Variants in ADARB2 observed in about 807,000 individuals in gnomAD.
The protein encoded by ADARB2 is inactive double-stranded RNA-specific editase B2.
Under a neutral mutation model 62.2 loss-of-function variants are expected in ADARB2, and 25 were observed. The ratio of observed to expected loss-of-function variants is 0.40; its 90% CI spans 0.29 to 0.56. The LOEUF (loss-of-function observed/expected upper bound fraction) is 0.56. Among genes scored for constraint, ADARB2 ranks in the 20% least tolerant of loss-of-function variants. ADARB2 has a pLI of 0.43. For synonymous variants in ADARB2, 572 were observed against 500.8 expected, an observed-to-expected ratio of 1.14 and a Z score of -1.90; for missense variants, 1,071 against 1,077.4, an observed-to-expected ratio of 0.99 and a Z score of 0.08.
rs896055558 is a variant in ADARB2, at chr10:1,187,562, G to A, written c.1865-2523C>T. Among the ~76,000 whole-genome samples the A allele has an allele frequency of 5.9e-5, 9 of 152,362 alleles. No homozygotes were observed. The East Asian group carries it at 1.2e-3, about 20-fold the overall frequency. ...TTCCTTGTCAGGATGCCCTGGCTCC[G>A]GCCTGTGCCCCTCTCCTTTCTCTTT... On this transcript the variant is annotated intron_variant, in intron 8 of 9. Transcript: ENST00000381312.
At position 1,726,488 on chromosome 10, in the gene ADARB2, C is replaced by A. The variant is rs75571775; in HGVS notation, c.100+10563G>T. On this transcript the variant is annotated intron_variant, in intron 1 of 9. Transcript: ENST00000381312. ...TGAGTGGACGTGGTGCTGCCAGCAC[C>A]TTCTGTGACTCTATGGATGACTCTG... 1.8e-3 allele frequency among the ~76,000 whole-genome samples: 278 copies of A among 152,154 alleles called. 1 individual carries two copies. Among genetic ancestry groups the A allele is most frequent in the African/African-American group, 6.5e-3 (269 of 41,514 alleles).
chr10:1,619,289 TAAAAA>T (rs59098282), intron 1 of ADARB2, among the ~76,000 whole-genome samples: 46,528 of 115,756 alleles, frequency 0.4, 7,504 homozygotes, highest in South Asian at 0.51. Flanking sequence ...ACATTGAAAG[TAAAAA>T]AAAAAAAAAA....
At position 1,275,516 on chromosome 10, in the gene ADARB2, T is replaced by C. The variant is rs552506027; in HGVS notation, c.1078-4447A>G. ...AGTCTTTCTTTCTTTCCTTCTTTTCTTTTTTTTTAATTTAAGTTTTAGGGT... is the reference window on the plus strand; with the variant it reads ...AGTCTTTCTTTCTTTCCTTCTTTTCCTTTTTTTTAATTTAAGTTTTAGGGT... On this transcript the variant is annotated intron_variant, in intron 3 of 9. Coordinates refer to ENST00000381312, the MANE Select transcript of ADARB2 (RefSeq NM_018702.4). Among the ~76,000 whole-genome samples the C allele has an allele frequency of 7.4e-5, 6 of 81,176 alleles. No individual in the cohort carries two copies. The East Asian group carries it at 3.4e-3, about 46-fold the overall frequency. The allele number at this position is 81,176 out of a possible 152,430, so 53.3% of individuals were successfully genotyped here.
intron 3 of ADARB2, among the ~76,000 whole-genome samples, chr10:1,272,095 T>C (rs1564242793): frequency 6.6e-6 from 1 of 152,254 alleles, no homozygotes; most frequent in South Asian, 2.1e-4. Context: ...ATTACTCTTA[T>C]TATTTTCATC....
intron 1 of ADARB2, among the ~76,000 whole-genome samples, chr10:1,588,824 G>A (rs917402627): frequency 6.6e-6 from 1 of 152,166 alleles, no homozygotes; most frequent in African/African-American, 2.4e-5. Flanking sequence ...CTTCGCAGAT[G>A]ACAAGATCGA....
At chr10:1,218,922 C>T (rs887826673) in intron 6 of ADARB2, among the ~76,000 whole-genome samples, 13 of 151,562 alleles carry the variant, frequency 8.6e-5, no homozygotes, top group African/African-American at 1.5e-4. Flanking sequence ...TGGTGGCGGG[C>T]GCCTGTAGTC....
chr10:1,634,572 G>A lies in ADARB2; in HGVS notation c.100+102479C>T, dbSNP rs1326884848. On this transcript the variant is annotated intron_variant, in intron 1 of 9. Coordinates refer to ENST00000381312, the MANE Select transcript of ADARB2 (RefSeq NM_018702.4). Reference sequence around the variant, plus strand: ...GGTTAGGGTCACTCCAGGTGTACAAGTGTTTGGAAATGAACCTGCCAAGTA... The same window carrying A: ...GGTTAGGGTCACTCCAGGTGTACAAATGTTTGGAAATGAACCTGCCAAGTA... 6.6e-5 allele frequency among the ~76,000 whole-genome samples: 10 copies of A among 152,146 alleles called. No individual in the cohort carries two copies. In the East Asian group the frequency reaches 1.9e-3, roughly 29 times the overall value.
chr10:1,233,588 C>T (rs538861334), intron 6 of ADARB2, 106 bp downstream of exon 6: 5 of 1,249,864 alleles, frequency 4.0e-6, no homozygotes, highest in Admixed American at 2.8e-5. Flanking sequence ...CCCAAGGGCC[C>T]CACACACCGC....
intron 3 of ADARB2, among the ~76,000 whole-genome samples, chr10:1,326,768 A>C (rs1831851837): frequency 9.2e-6 from 1 of 109,010 alleles, no homozygotes; most frequent in Non-Finnish European, 1.9e-5. Context: ...CGCCTCTGGT[A>C]GCACAGCCCC....
At chr10:1,582,581 T>C (rs938695) in intron 1 of ADARB2, among the ~76,000 whole-genome samples, 91,590 of 152,080 alleles carry the variant, frequency 0.6, 27,924 homozygotes, top group African/African-American at 0.68. Context: ...TCCATTGCAA[T>C]TGCCACCATG....
intron 1 of ADARB2, among the ~76,000 whole-genome samples, chr10:1,609,785 G>C (rs1833544525): frequency 6.6e-6 from 1 of 152,220 alleles, no homozygotes; most frequent in African/African-American, 2.4e-5. Context: ...CAAAGAGTGT[G>C]TCGCCCTGTG....
At chr10:1,465,688 T>G (rs1831245921) in intron 1 of ADARB2, among the ~76,000 whole-genome samples, 1 of 152,186 alleles carries the variant, frequency 6.6e-6, no homozygotes. Context: ...AGGTTTAAGA[T>G]GCTAATGAGG....
chr10:1,348,953 G>A (rs931459022), intron 3 of ADARB2, among the ~76,000 whole-genome samples: 1 of 152,168 alleles, frequency 6.6e-6, no homozygotes. Flanking sequence ...GTGTGACAAT[G>A]GGGGAAGGAG....
intron 8 of ADARB2, among the ~76,000 whole-genome samples, chr10:1,193,573 G>A (rs1005217239): frequency 1.1e-4 from 16 of 152,142 alleles, no homozygotes; most frequent in African/African-American, 3.6e-4. Context: ...CTCTTCAGTC[G>A]GCATTACTCA....
At chr10:1,227,176 G>A (rs1022027695) in intron 6 of ADARB2, among the ~76,000 whole-genome samples, 7 of 152,326 alleles carry the variant, frequency 4.6e-5, no homozygotes, top group East Asian at 3.9e-4. Context: ...AGCAATCAGC[G>A]AGACTCCGTG....
chr10:1,363,171 C>T lies in ADARB2; in HGVS notation c.934G>A (p.Val312Met), dbSNP rs780983352. The change falls in exon 3 of 10, where the codon GTG (valine) becomes ATG (methionine). Residue 312 changes from valine (V) to methionine (M), a missense_variant. Val to Met is a conservative substitution (Grantham distance 21). Transcript: ENST00000381312. Reference protein sequence around the residue: ...RARSFVMAVSVDGRTFEGSGR... With the variant: ...RARSFVMAVSMDGRTFEGSGR... ...GAGCCCTCGAACGTCCTGCCGTCCA[C>T]GCTCACGGCCATCACGAAGCTCCGC... The T allele has an allele frequency of 2.0e-6, 3 of 1,532,934 alleles. No homozygotes were observed. The highest frequency in any genetic ancestry group is 2.6e-6 in the Non-Finnish European group (3 of 1,147,978). The allele number at this position is 1,532,934 out of a possible 1,614,324, so 95.0% of individuals were successfully genotyped here.
intron 1 of ADARB2, among the ~76,000 whole-genome samples, chr10:1,549,582 G>T (rs1449905360): frequency 6.6e-6 from 1 of 151,964 alleles, no homozygotes; most frequent in Non-Finnish European, 1.5e-5. Flanking sequence ...ACCCACGCAT[G>T]GTCAAACAGT....
chr10:1,367,465 T>C (rs947918708), intron 2 of ADARB2, among the ~76,000 whole-genome samples: 3 of 152,334 alleles, frequency 2.0e-5, no homozygotes, highest in African/African-American at 7.2e-5. Flanking sequence ...CATTTACAGT[T>C]GATGGCGGCA....
intron 1 of ADARB2, among the ~76,000 whole-genome samples, chr10:1,707,836 G>A (rs1418330445): frequency 6.6e-6 from 1 of 152,192 alleles, no homozygotes; most frequent in African/African-American, 2.4e-5. Context: ...TTGTCTGATT[G>A]GTCCTCTGCT....
Sources: gnomAD v4.1 joint callset for allele counts (sites outside exome capture counted in the v4.1 genomes callset) on GRCh38, gnomAD v4.1.1 for gene constraint, MANE v1.5 for transcripts, NCBI Gene and HGNC (gene_info 2026-07-23, HGNC 2026-07-21) for gene names.